Variants in PLXDC2 observed in about 807,000 individuals in gnomAD.
The protein encoded by PLXDC2 is plexin domain-containing protein 2.
Under a neutral mutation model 68.9 loss-of-function variants are expected in PLXDC2, and 40 were observed. The observed-to-expected ratio is 0.58, with a 90% CI of 0.45 to 0.76. The LOEUF is 0.76. Ranked by LOEUF, PLXDC2 falls within the 30% of genes least tolerant of loss-of-function variation. The probability of loss-of-function intolerance (pLI) is 0.00; values close to 1 mark genes in which losing one functional copy is unlikely to be tolerated. For missense variants in PLXDC2, 644 were observed against 661.9 expected (o/e 0.97, Z 0.30); for synonymous variants, 243 against 234.2 (o/e 1.04, Z -0.34).
At chr10:19,865,728 A>G (rs1321794941) in intron 1 of PLXDC2, among the ~76,000 whole-genome samples, 1 of 152,238 alleles carries the variant, frequency 6.6e-6, no homozygotes, top group Non-Finnish European at 1.5e-5. Flanking sequence ...TGGAAAATTT[A>G]GAAAGAACAA....
intron 6 of PLXDC2, among the ~76,000 whole-genome samples, chr10:20,157,254 T>A (rs867315341): frequency 1.1e-4 from 17 of 152,334 alleles, no homozygotes; most frequent in Middle Eastern, 6.8e-3. Context: ...GTTTTTAATA[T>A]TAAGCTACTG....
At chr10:19,827,361 T>C (rs1330111025) in intron 1 of PLXDC2, among the ~76,000 whole-genome samples, 2 of 152,172 alleles carry the variant, frequency 1.3e-5, no homozygotes, top group African/African-American at 4.8e-5. Flanking sequence ...GGTTCTTTCC[T>C]TTTCCAGAGC....
rs543492381 is a variant in PLXDC2, at chr10:20,147,474, G to A, written c.665-310G>A. Among the ~76,000 whole-genome samples, 18 of 152,220 alleles carry A rather than the reference G, an allele frequency of 1.2e-4. No individual in the cohort carries two copies. In the South Asian group the frequency reaches 3.7e-3, roughly 32 times the overall value. ...GGCTGCATTTTGAAAGTGGCTTATG[G>A]AAATTTAAGCAGACAGTATCTATTA... On this transcript the variant is annotated intron_variant, in intron 5 of 13. Transcript: ENST00000377252.
At chr10:19,831,481 T>C (rs1836691187) in intron 1 of PLXDC2, among the ~76,000 whole-genome samples, 3 of 152,152 alleles carry the variant, frequency 2.0e-5, no homozygotes. Flanking sequence ...AGGTTTGTTA[T>C]TTAGGTAAGC....
At chr10:20,152,558 C>A (rs1176005971) in intron 6 of PLXDC2, among the ~76,000 whole-genome samples, 1 of 152,000 alleles carries the variant, frequency 6.6e-6, no homozygotes, top group Non-Finnish European at 1.5e-5. Context: ...TTTTAAAGTT[C>A]TTTTTCTCAA....
At position 20,213,597 on chromosome 10, in the gene PLXDC2, C is replaced by T. The variant is rs552207518; in HGVS notation, c.1122+1868C>T. On this transcript the variant is annotated intron_variant, in intron 10 of 13. Transcript: ENST00000377252. ...TCTTACTAACATTTTATTGGAAATA[C>T]ATTAAATTATGAATTAGATCACATT... 4.6e-5 allele frequency among the ~76,000 whole-genome samples: 7 copies of T among 152,150 alleles called. No individual in the cohort carries two copies. The South Asian group carries it at 1.4e-3, about 32-fold the overall frequency.
intron 4 of PLXDC2, among the ~76,000 whole-genome samples, chr10:20,111,108 A>G (rs1027587687): frequency 4.3e-4 from 66 of 152,232 alleles, no homozygotes; most frequent in Admixed American, 4.3e-3. Context: ...GCTGCACAGA[A>G]CACTAGGCAG....
At chr10:20,053,125 A>G (rs973147989) in intron 3 of PLXDC2, among the ~76,000 whole-genome samples, 1 of 152,130 alleles carries the variant, frequency 6.6e-6, no homozygotes, top group Non-Finnish European at 1.5e-5. Context: ...AAATCATTTA[A>G]TTCACATATT....
intron 1 of PLXDC2, among the ~76,000 whole-genome samples, chr10:19,905,785 T>G (rs1833147938): frequency 6.6e-6 from 1 of 152,206 alleles, no homozygotes; most frequent in Non-Finnish European, 1.5e-5. Context: ...TGTCGTTGGA[T>G]ATAAGCCAAA....
intron 1 of PLXDC2, among the ~76,000 whole-genome samples, chr10:19,880,099 C>G (rs1367574594): frequency 4.6e-5 from 7 of 152,130 alleles, no homozygotes; most frequent in Non-Finnish European, 1.0e-4. Flanking sequence ...TCCTTTAATG[C>G]TTGGGTGACT....
chr10:20,116,962 AAAAT>A (rs774688807), intron 4 of PLXDC2, among the ~76,000 whole-genome samples: 17 of 152,136 alleles, frequency 1.1e-4, no homozygotes, highest in East Asian at 5.8e-4. Flanking sequence ...TAAAAATGAA[AAAAT>A]AAATAAAATA....
intron 2 of PLXDC2, among the ~76,000 whole-genome samples, chr10:20,025,429 A>AT (rs1835383206): frequency 6.6e-6 from 1 of 151,808 alleles, no homozygotes; most frequent in Non-Finnish European, 1.5e-5. Flanking sequence ...TGCCTGGCTA[A>AT]TTTTTTATCT....
chr10:20,008,609 G>T (rs1300299660), intron 2 of PLXDC2, among the ~76,000 whole-genome samples: 1 of 152,108 alleles, frequency 6.6e-6, no homozygotes. Context: ...TGAAGAAAAA[G>T]CAAATTTTGT....
chr10:19,989,751 ATT>A (rs60357358), intron 1 of PLXDC2, among the ~76,000 whole-genome samples: 103 of 127,758 alleles, frequency 8.1e-4, no homozygotes, highest in Middle Eastern at 3.8e-3. Context: ...ACTTATGTGA[ATT>A]TTTTTTTTTT....
chr10:20,062,195 G>A (rs1376424187), intron 3 of PLXDC2, among the ~76,000 whole-genome samples: 1 of 152,204 alleles, frequency 6.6e-6, no homozygotes, highest in East Asian at 1.9e-4. Flanking sequence ...GGAGGCCGAG[G>A]TGGGCGGATC....
intron 4 of PLXDC2, among the ~76,000 whole-genome samples, chr10:20,077,733 A>G (rs1237252414): frequency 6.6e-6 from 1 of 152,252 alleles, no homozygotes; most frequent in Non-Finnish European, 1.5e-5. Context: ...CCAGAAAAAT[A>G]TAAAATTAAG....
chr10:20,136,504 A>G (rs544060451), intron 4 of PLXDC2, among the ~76,000 whole-genome samples: 8 of 152,318 alleles, frequency 5.3e-5, no homozygotes, highest in Admixed American at 2.6e-4. Flanking sequence ...GCTATTCACA[A>G]TAACTGCAAA....
intron 1 of PLXDC2, among the ~76,000 whole-genome samples, chr10:19,968,350 T>C (rs866154650): frequency 6.6e-6 from 1 of 152,296 alleles, no homozygotes; most frequent in African/African-American, 2.4e-5. Context: ...TCTCACTCTG[T>C]CTCCCAGGCT....
chr10:20,222,086 A>C (rs2131868351), intron 12 of PLXDC2, among the ~76,000 whole-genome samples: 1 of 152,320 alleles, frequency 6.6e-6, no homozygotes, highest in Non-Finnish European at 1.5e-5. Flanking sequence ...TGTTCTTAAA[A>C]GCATTTTTAT....
Sources: gnomAD v4.1 joint callset for allele counts (sites outside exome capture counted in the v4.1 genomes callset) on GRCh38, gnomAD v4.1.1 for gene constraint, MANE v1.5 for transcripts, NCBI Gene and HGNC (gene_info 2026-07-23, HGNC 2026-07-21) for gene names.